CAMK2B: variants seen among roughly 807,000 people sequenced by gnomAD.
CAMK2B encodes the protein calcium/calmodulin-dependent protein kinase type II subunit beta.
In CAMK2B, 27 loss-of-function variants were observed where a neutral mutation model predicts 93.7. That is an observed-to-expected ratio of 0.29 (90% CI 0.21 to 0.40). The LOEUF (loss-of-function observed/expected upper bound fraction) is 0.40, where lower values mean the gene tolerates loss of function less well. Ranked by LOEUF, CAMK2B falls within the 10% of genes least tolerant of loss-of-function variation. CAMK2B has a pLI of 1.00. For synonymous variants in CAMK2B, 374 were observed against 358.8 expected, an observed-to-expected ratio of 1.04 and a Z score of -0.48; for missense variants, 568 against 895.8, an observed-to-expected ratio of 0.63 and a Z score of 4.67.
chr7:44,247,235 A>T lies in CAMK2B; in HGVS notation c.342-43T>A, dbSNP rs1356452539. 8 of 1,555,752 alleles carry T rather than the reference A, an allele frequency of 5.1e-6. No individual in the cohort carries two copies. The highest frequency in any genetic ancestry group is 6.2e-6 in the Non-Finnish European group (7 of 1,127,920). On this transcript the variant is annotated intron_variant, in intron 5 of 23. Transcript: ENST00000395749. Reference sequence around the variant, plus strand: ...TGGGTTAGTGCGAGTGGCCCTGGGGAGCAGCAAGAGGAGGCACTGGGGGCA... The same window carrying T: ...TGGGTTAGTGCGAGTGGCCCTGGGGTGCAGCAAGAGGAGGCACTGGGGGCA...
intron 2 of CAMK2B, among the ~76,000 whole-genome samples, chr7:44,275,717 C>G (rs2097028821): frequency 6.6e-6 from 1 of 152,206 alleles, no homozygotes; most frequent in Non-Finnish European, 1.5e-5. Flanking sequence ...AATCCAGCAG[C>G]CTAGCCTCGT....
intron 1 of CAMK2B, among the ~76,000 whole-genome samples, chr7:44,314,979 C>A (rs1286902804): frequency 6.6e-6 from 1 of 152,204 alleles, no homozygotes. Flanking sequence ...ATACAAATTC[C>A]TTACCAGACA....
At chr7:44,227,901 C>T (rs1032615866) in intron 19 of CAMK2B, among the ~76,000 whole-genome samples, 2 of 112,904 alleles carry the variant, frequency 1.8e-5, no homozygotes, top group Non-Finnish European at 1.8e-5. Context: ...AGGGATAGAG[C>T]GTGGACTTAG....
chr7:44,239,477 C>T (rs967018129), intron 13 of CAMK2B, 112 bp downstream of exon 13: 22 of 923,738 alleles, frequency 2.4e-5, no homozygotes, highest in Non-Finnish European at 3.0e-5. Flanking sequence ...GGGGGCCTGG[C>T]GGCCTCTGGG....
chr7:44,226,002 T>A, intron 20 of CAMK2B: 1 of 1,064,904 alleles, frequency 9.4e-7, no homozygotes, highest in South Asian at 1.5e-5. Flanking sequence ...GCCCGCTCTG[T>A]TTCAGCCTGG....
chr7:44,297,058 T>A (rs1788505192), intron 1 of CAMK2B, among the ~76,000 whole-genome samples: 1 of 152,222 alleles, frequency 6.6e-6, no homozygotes, highest in Non-Finnish European at 1.5e-5. Flanking sequence ...TAACAATTTG[T>A]TCAAAATAAT....
chr7:44,263,889 A>G (rs1216805016), intron 2 of CAMK2B: 2 of 154,670 alleles, frequency 1.3e-5, no homozygotes, highest in Non-Finnish European at 2.9e-5. Context: ...ACGTGCGGGT[A>G]GCACCCACAT....
intron 2 of CAMK2B, among the ~76,000 whole-genome samples, chr7:44,273,112 T>C (rs1184180464): frequency 1.3e-5 from 2 of 152,222 alleles, no homozygotes; most frequent in African/African-American, 4.8e-5. Context: ...CCACAAGGAC[T>C]GGGCACAGCT....
intron 2 of CAMK2B, among the ~76,000 whole-genome samples, chr7:44,273,519 A>G (rs2096995806): frequency 7.1e-6 from 1 of 140,630 alleles, no homozygotes; most frequent in Non-Finnish European, 1.6e-5. Flanking sequence ...TTGCTAGGCC[A>G]TCCCTCCCAG....
rs978886917 is a variant in CAMK2B at position 44,225,672 on chromosome 7, C to A, written c.1597+844G>T. The A allele has an allele frequency of 4.2e-6, 5 of 1,196,606 alleles. No homozygotes were observed. The African/African-American group carries it at 7.8e-5, about 19-fold the overall frequency. 74.1% of individuals were successfully genotyped at this position (1,196,606 alleles called of 1,614,324 possible). A position where few individuals can be genotyped will look rare whatever the true frequency, so the allele number is the denominator to read the frequency against. ...TCCTGTGGGTTCACTCTCCCCACACCCTTCTGCCCTGGCCGCCTGCAGCAG... is the reference window on the plus strand; with the variant it reads ...TCCTGTGGGTTCACTCTCCCCACACACTTCTGCCCTGGCCGCCTGCAGCAG... On this transcript the variant is annotated intron_variant, in intron 20 of 23. Coordinates refer to ENST00000395749, the MANE Select transcript of CAMK2B (RefSeq NM_001220.5). This position sits in a 1 kb window ranked among gnomAD's most constrained non-coding sequence, Gnocchi z 5.0.
chr7:44,254,364 TG>T (rs1227252549), intron 5 of CAMK2B, among the ~76,000 whole-genome samples, 177 bp downstream of exon 5: 1 of 152,200 alleles, frequency 6.6e-6, no homozygotes, highest in African/African-American at 2.4e-5. Flanking sequence ...GGTGGCCTCT[TG>T]GCTCTGCGCT....
At chr7:44,246,842 A>T (rs1457267340) in intron 6 of CAMK2B, among the ~76,000 whole-genome samples, 7 of 151,780 alleles carry the variant, frequency 4.6e-5, no homozygotes, top group African/African-American at 1.5e-4. Flanking sequence ...CACATGACAC[A>T]TGCACATTTA....
chr7:44,323,309 C>T (rs1796620868), intron 1 of CAMK2B, among the ~76,000 whole-genome samples: 1 of 152,288 alleles, frequency 6.6e-6, no homozygotes, highest in Non-Finnish European at 1.5e-5. Context: ...CCTCACCTCG[C>T]AATGCATGGC....
At position 44,313,940 on chromosome 7, in the gene CAMK2B, G is replaced by A. The variant is rs370371164; in HGVS notation, c.65+11417C>T. Among the ~76,000 whole-genome samples the A allele has an allele frequency of 2.0e-3, 299 of 151,916 alleles. 1 individual carries two copies. The highest frequency in any genetic ancestry group is 0.018 in the South Asian group (85 of 4,740). ...TCGCAGCAGAGGCTGGTTCAAAGAA[G>A]GTGGCCTGGCCAAAGCCGCATTTCT... On this transcript the variant is annotated intron_variant, in intron 1 of 23. Coordinates refer to ENST00000395749, the MANE Select transcript of CAMK2B (RefSeq NM_001220.5).
At chr7:44,260,828 C>T (rs2096873401) in intron 3 of CAMK2B, among the ~76,000 whole-genome samples, 1 of 152,176 alleles carries the variant, frequency 6.6e-6, no homozygotes, top group Non-Finnish European at 1.5e-5. Context: ...GCAGCCCAGC[C>T]TTCTCCTCTC....
In CAMK2B at chr7:44,224,504, G is replaced by T. The variant is rs1415676504; in HGVS notation, c.1597+2012C>A. Among the ~76,000 whole-genome samples, 6 of 152,238 alleles carry T rather than the reference G, an allele frequency of 3.9e-5. No individual in the cohort carries two copies. The highest frequency in any genetic ancestry group is 7.3e-5 in the Non-Finnish European group (5 of 68,048). The stretch of plus-strand genomic sequence containing the variant: ...GGGTCTGCACGAGCCAAGAGCCTCT[G>T]CAAGTCAGGCCTTCCAGGTGCCCTG... On this transcript the variant is annotated intron_variant, in intron 20 of 23. Transcript: ENST00000395749. The surrounding 1 kb of genome is among the most constrained non-coding windows in gnomAD (Gnocchi z 4.4).
chr7:44,275,880 C>T (rs2097031339), intron 2 of CAMK2B, among the ~76,000 whole-genome samples: 1 of 152,176 alleles, frequency 6.6e-6, no homozygotes, highest in African/African-American at 2.4e-5. Context: ...AGGGACCATC[C>T]CCATCCTGTT....
chr7:44,290,115 C>T (rs1012354068), intron 1 of CAMK2B, among the ~76,000 whole-genome samples: 3 of 152,230 alleles, frequency 2.0e-5, no homozygotes, highest in African/African-American at 7.2e-5. Flanking sequence ...CCTCAGATTC[C>T]CAACAACAGT....
chr7:44,270,747 C>A (rs1485255454), intron 2 of CAMK2B, among the ~76,000 whole-genome samples: 8 of 152,210 alleles, frequency 5.3e-5, no homozygotes, highest in Non-Finnish European at 1.0e-4. Flanking sequence ...AAGCCACCCC[C>A]CATCCCCACA....
Sources: allele counts gnomAD v4.1 joint callset (sites outside exome capture counted in the v4.1 genomes callset), GRCh38; gene constraint gnomAD v4.1.1; non-coding constraint Gnocchi (gnomAD v3.1); transcripts MANE v1.5; gene names NCBI Gene and HGNC (gene_info 2026-07-23, HGNC 2026-07-21).